Variants in OVOL2 observed in about 807,000 individuals in gnomAD.
OVOL2 encodes transcription factor Ovo-like 2.
Under a neutral mutation model 18.1 loss-of-function variants are expected in OVOL2, and 13 were observed. That is an observed-to-expected ratio of 0.72 (90% CI 0.47 to 1.14). OVOL2 has a LOEUF of 1.14. OVOL2 is among the 50% of genes most tolerant of loss of function. OVOL2 has a pLI of 0.00. For missense variants in OVOL2, 335 were observed against 383.0 expected (o/e 0.87, Z 1.05); for synonymous variants, 166 against 162.7 (o/e 1.02, Z -0.16).
At chr20:18,052,287 A>T (rs1025229981) in intron 2 of OVOL2, among the ~76,000 whole-genome samples, 2 of 152,236 alleles carry the variant, frequency 1.3e-5, no homozygotes, top group African/African-American at 4.8e-5. Flanking sequence ...ATGCCAATCA[A>T]TTACAATGTG....
chr20:18,045,767 C>T (rs1361987765), intron 2 of OVOL2, among the ~76,000 whole-genome samples: 2 of 152,134 alleles, frequency 1.3e-5, no homozygotes, highest in African/African-American at 2.4e-5. Context: ...GCGTGAGCCA[C>T]AATGACTTGC....
chr20:18,027,090 T>G (rs2036526644), intron 3 of OVOL2, among the ~76,000 whole-genome samples: 1 of 143,274 alleles, frequency 7.0e-6, no homozygotes, highest in South Asian at 2.3e-4. Context: ...ATGCACCCCC[T>G]GAATCTAAAA....
intron 3 of OVOL2, among the ~76,000 whole-genome samples, chr20:18,025,690 G>T (rs1401882351): frequency 6.6e-6 from 1 of 152,230 alleles, no homozygotes; most frequent in African/African-American, 2.4e-5. Flanking sequence ...GAGGCAGGGA[G>T]GGGTAGGATC....
intron 3 of OVOL2, among the ~76,000 whole-genome samples, chr20:18,033,927 T>C (rs1170165398): frequency 1.3e-5 from 2 of 152,192 alleles, no homozygotes; most frequent in Non-Finnish European, 2.9e-5. Flanking sequence ...AAATACTATA[T>C]ATATCCTATA....
At chr20:18,034,447 G>C (rs894402175) in intron 3 of OVOL2, among the ~76,000 whole-genome samples, 1 of 152,060 alleles carries the variant, frequency 6.6e-6, no homozygotes, top group Non-Finnish European at 1.5e-5. Context: ...GGCTCCACTT[G>C]ACAGCCCTCC....
intron 3 of OVOL2, among the ~76,000 whole-genome samples, chr20:18,026,038 TTC>T (rs1257305698): frequency 1.3e-5 from 2 of 152,240 alleles, no homozygotes; most frequent in African/African-American, 2.4e-5. Context: ...TGAAAATCAT[TTC>T]CAAACAAGAT....
chr20:18,058,674 G>T (rs190046331), upstream of OVOL2, among the ~76,000 whole-genome samples: 1 of 151,968 alleles, frequency 6.6e-6, no homozygotes, highest in African/African-American at 2.4e-5. Context: ...CTAACCACCC[G>T]ATCCCCAAAT....
At position 18,056,810 on chromosome 20, in the gene OVOL2, G is replaced by A. The variant is rs761107775; in HGVS notation, c.168C>T (p.Gly56=). The A allele has an allele frequency of 8.7e-6, 13 of 1,491,316 alleles. No individual in the cohort carries two copies. In the East Asian group the frequency reaches 1.7e-4, roughly 20 times the overall value. 92.4% of individuals were successfully genotyped at this position (1,491,316 alleles called of 1,614,324 possible). A position where few individuals can be genotyped will look rare whatever the true frequency, so the allele number is the denominator to read the frequency against. Residue 56 remains glycine, a synonymous_variant, in exon 2 of 4, where the codon GGC becomes GGT. Transcript: ENST00000278780. This position sits in a 1 kb window ranked among gnomAD's most constrained non-coding sequence, Gnocchi z 4.2. ...GCTCCCCCGCGCTGCTGCTGCCGCTGCCGCTGCTGCTGCCGCCGTCGCTGC... is the reference window on the plus strand; with the variant it reads ...GCTCCCCCGCGCTGCTGCTGCCGCTACCGCTGCTGCTGCCGCCGTCGCTGC... The part of the protein sequence containing the change: ...DCRSDGGSSS[G]SGSSSAGEPG...
intron 3 of OVOL2, among the ~76,000 whole-genome samples, chr20:18,033,284 C>T (rs1035688698): frequency 1.3e-5 from 2 of 152,248 alleles, no homozygotes; most frequent in African/African-American, 4.8e-5. Flanking sequence ...CCGGTGCCCC[C>T]TCCCCACCTC....
At position 18,035,739 on chromosome 20, in the gene OVOL2, C is replaced by T. The variant is rs1050050462; in HGVS notation, c.511+5795G>A. ...GACACACCTTCATCAGAAAATAGGT[C>T]GGGATGGGGTAAATAGGTCTAAAAC... On this transcript the variant is annotated intron_variant, in intron 3 of 3. Coordinates refer to ENST00000278780, the MANE Select transcript of OVOL2 (RefSeq NM_021220.4). 2.6e-5 allele frequency among the ~76,000 whole-genome samples: 4 copies of T among 152,112 alleles called. No homozygotes were observed. In the East Asian group the frequency reaches 5.8e-4, roughly 22 times the overall value.
chr20:18,058,790 T>C (rs2036853643), upstream of OVOL2: 1 of 152,250 alleles, frequency 6.6e-6, no homozygotes, highest in African/African-American at 2.4e-5. Flanking sequence ...TTTATTATTA[T>C]ATCTGTTTGT....
At chr20:18,057,940 C>A (rs2036846507), upstream of OVOL2, 1 of 1,188,680 alleles carries the variant, frequency 8.4e-7, no homozygotes, top group South Asian at 2.8e-5. This position sits in a 1 kb window ranked among gnomAD's most constrained non-coding sequence, Gnocchi z 6.3. Flanking sequence ...CGCCCTGCAA[C>A]ATAACGGTGT....
rs2036779600 is a variant in OVOL2, at chr20:18,052,518, GGAC to G, written c.321+4136_321+4138del. 3.9e-5 allele frequency among the ~76,000 whole-genome samples: 6 copies of G among 152,122 alleles called. No homozygotes were observed. In the South Asian group the frequency reaches 1.2e-3, roughly 31 times the overall value. On this transcript the variant is annotated intron_variant, in intron 2 of 3. Transcript: ENST00000278780. Reference sequence around the variant, plus strand: ...CAAGGGGTGGGAGTGTGGCTGGGCAGGACTGGCCATGGGTTAATGGTTGTTGGG... The same window carrying G: ...CAAGGGGTGGGAGTGTGGCTGGGCAGTGGCCATGGGTTAATGGTTGTTGGG...
chr20:18,058,304 G>C (rs1257318446), upstream of OVOL2, among the ~76,000 whole-genome samples: 1 of 151,968 alleles, frequency 6.6e-6, no homozygotes, highest in Non-Finnish European at 1.5e-5. Context: ...ATGAAATCTG[G>C]GCGGTCAGAA....
chr20:18,043,619 C>T (rs144480666), intron 2 of OVOL2, among the ~76,000 whole-genome samples: 1,939 of 152,302 alleles, frequency 0.013, 32 homozygotes, highest in Middle Eastern at 0.027. Context: ...AGAGCCATGC[C>T]TATGGCTTTT....
intron 3 of OVOL2, among the ~76,000 whole-genome samples, chr20:18,030,422 C>T (rs959405408): frequency 6.6e-6 from 1 of 152,224 alleles, no homozygotes; most frequent in Non-Finnish European, 1.5e-5. Flanking sequence ...TAACATCAGG[C>T]TTTAACCTGG....
At chr20:18,036,406 C>G (rs1028691062) in intron 3 of OVOL2, among the ~76,000 whole-genome samples, 1 of 152,160 alleles carries the variant, frequency 6.6e-6, no homozygotes, top group African/African-American at 2.4e-5. Context: ...GGACCAGCCC[C>G]TCCTCTGAGA....
chr20:18,042,775 C>A (rs78811597), intron 2 of OVOL2, among the ~76,000 whole-genome samples: 110 of 93,416 alleles, frequency 1.2e-3, no homozygotes, highest in East Asian at 2.9e-3. Context: ...AACTCCGTCT[C>A]AAAAAAAAAA....
chr20:18,049,209 G>A (rs1230316093), intron 2 of OVOL2, among the ~76,000 whole-genome samples: 1 of 152,104 alleles, frequency 6.6e-6, no homozygotes, highest in East Asian at 1.9e-4. Context: ...AGGACTCAGC[G>A]GCAGAACAAA....
Sources: gnomAD v4.1 joint callset for allele counts (sites outside exome capture counted in the v4.1 genomes callset) on GRCh38, gnomAD v4.1.1 for gene constraint, Gnocchi (gnomAD v3.1) non-coding constraint, MANE v1.5 for transcripts, NCBI Gene and HGNC (gene_info 2026-07-23, HGNC 2026-07-21) for gene names.